The following DTD1 variants were observed in gnomAD, a reference collection of about 807,000 sequenced individuals.
The protein encoded by DTD1 is D-tyrosyl-tRNA deacylase 1 homolog.
DTD1 carries 13 observed loss-of-function variants against 25.6 expected under a neutral mutation model. The ratio of observed to expected loss-of-function variants is 0.51; its 90% confidence interval spans 0.33 to 0.81. The LOEUF is 0.81. DTD1 is among the 30% of genes least tolerant of loss of function. DTD1 has a pLI of 0.02. For missense variants in DTD1, 193 were observed against 266.4 expected (o/e 0.72, Z 1.92); for synonymous variants, 110 against 103.6 (o/e 1.06, Z -0.37).
At chr20:18,658,193 G>A (rs1024417307) in intron 4 of DTD1, among the ~76,000 whole-genome samples, 17 of 75,880 alleles carry the variant, frequency 2.2e-4, no homozygotes, top group African/African-American at 4.6e-4. Flanking sequence ...TCTGAGATGT[G>A]TGTGTGTGTG....
At chr20:18,674,263 T>G (rs1273884320) in intron 4 of DTD1, 1 of 152,188 alleles carries the variant, frequency 6.6e-6, no homozygotes. Context: ...ACCAAACGTT[T>G]ATGATTTTTT....
At chr20:18,725,162 C>T (rs1177236577) in intron 4 of DTD1, among the ~76,000 whole-genome samples, 1 of 152,200 alleles carries the variant, frequency 6.6e-6, no homozygotes, top group East Asian at 1.9e-4. Flanking sequence ...CTTTTTATTG[C>T]ATGCAAAGAT....
chr20:18,612,390 G>T (rs952688810), intron 3 of DTD1, among the ~76,000 whole-genome samples: 9 of 151,928 alleles, frequency 5.9e-5, no homozygotes, highest in Non-Finnish European at 1.2e-4. Context: ...TCTGTTGAGG[G>T]CTTGTTATAT....
chr20:18,663,370 T>C (rs1046552640), intron 4 of DTD1, among the ~76,000 whole-genome samples: 4 of 151,826 alleles, frequency 2.6e-5, no homozygotes, highest in African/African-American at 4.8e-5. Context: ...AAAAAAAATA[T>C]ACAAAGTTTC....
At chr20:18,738,873 G>C (rs1003310267) in intron 4 of DTD1, among the ~76,000 whole-genome samples, 2 of 152,252 alleles carry the variant, frequency 1.3e-5, no homozygotes, top group African/African-American at 4.8e-5. Flanking sequence ...GGTCACATAG[G>C]TGGAAATGCT....
chr20:18,751,936 G>A (rs1192513514), intron 5 of DTD1, among the ~76,000 whole-genome samples: 1 of 151,724 alleles, frequency 6.6e-6, no homozygotes, highest in Non-Finnish European at 1.5e-5. Context: ...TAGAGGAGCA[G>A]CTTTGAGTTT....
At chr20:18,613,422 T>C (rs561229008) in intron 3 of DTD1, among the ~76,000 whole-genome samples, 5 of 152,314 alleles carry the variant, frequency 3.3e-5, no homozygotes, top group East Asian at 3.9e-4. Flanking sequence ...ATGGAGTTAA[T>C]AGCAGAACAC....
chr20:18,718,179 T>A (rs1322241914), intron 4 of DTD1, among the ~76,000 whole-genome samples: 1 of 152,262 alleles, frequency 6.6e-6, no homozygotes, highest in Non-Finnish European at 1.5e-5. Context: ...CTTTGAAGGT[T>A]CCAGTAATAT....
intron 4 of DTD1, chr20:18,632,575 G>A: frequency 1.0e-6 from 1 of 985,328 alleles, no homozygotes; most frequent in Non-Finnish European, 1.2e-6. Flanking sequence ...ATAAACACGT[G>A]TTTCTATCAA....
chr20:18,699,605 T>G (rs2061094824), intron 4 of DTD1, among the ~76,000 whole-genome samples: 1 of 151,952 alleles, frequency 6.6e-6, no homozygotes, highest in African/African-American at 2.4e-5. Flanking sequence ...GGCTATAAAG[T>G]GGAAGAGGAG....
At chr20:18,707,418 C>T (rs1024157499) in intron 4 of DTD1, among the ~76,000 whole-genome samples, 1 of 152,162 alleles carries the variant, frequency 6.6e-6, no homozygotes, top group African/African-American at 2.4e-5. Flanking sequence ...GTCTGGGACT[C>T]ACCCTGCGTG....
At chr20:18,707,698 C>T (rs2061132032) in intron 4 of DTD1, among the ~76,000 whole-genome samples, 1 of 152,146 alleles carries the variant, frequency 6.6e-6, no homozygotes, top group African/African-American at 2.4e-5. Context: ...TGGTTCTTTT[C>T]TCTCTGGACT....
chr20:18,662,439 A>G (rs1324575020), intron 4 of DTD1, among the ~76,000 whole-genome samples: 5 of 152,042 alleles, frequency 3.3e-5, no homozygotes, highest in Admixed American at 2.6e-4. Context: ...GGGGGAGAGT[A>G]TTTTTGGAAA....
intron 4 of DTD1, among the ~76,000 whole-genome samples, chr20:18,720,017 A>C (rs2061196055): frequency 6.6e-6 from 1 of 152,226 alleles, no homozygotes; most frequent in Non-Finnish European, 1.5e-5. Flanking sequence ...GATTTTCTTC[A>C]GAGCTTGGAT....
intron 4 of DTD1, among the ~76,000 whole-genome samples, chr20:18,726,801 A>G (rs2061223956): frequency 6.6e-6 from 1 of 152,192 alleles, no homozygotes; most frequent in Non-Finnish European, 1.5e-5. Context: ...AATACCATGC[A>G]TTGTACTTTT....
chr20:18,702,694 A>C (rs2061110666), intron 4 of DTD1, among the ~76,000 whole-genome samples: 2 of 151,194 alleles, frequency 1.3e-5, no homozygotes, highest in Admixed American at 6.6e-5. Context: ...GAATCTGGTC[A>C]CAAAGGTATC....
chr20:18,724,660 T>C (rs2061217051), intron 4 of DTD1, among the ~76,000 whole-genome samples: 1 of 152,268 alleles, frequency 6.6e-6, no homozygotes, highest in Non-Finnish European at 1.5e-5. Flanking sequence ...TAACCTAGAA[T>C]GTGATTTAGA....
intron 4 of DTD1, among the ~76,000 whole-genome samples, chr20:18,704,852 A>T (rs531842536): frequency 6.6e-6 from 1 of 152,252 alleles, no homozygotes; most frequent in South Asian, 2.1e-4. Flanking sequence ...GGGGAAGGAG[A>T]TCAGGAAGCA....
chr20:18,684,027 C>G (rs1183208678), intron 4 of DTD1, among the ~76,000 whole-genome samples: 1 of 152,152 alleles, frequency 6.6e-6, no homozygotes, highest in Non-Finnish European at 1.5e-5. Flanking sequence ...GGAGAGTAGG[C>G]CTTTCCCTGG....
Sources: gnomAD v4.1 joint callset for allele counts (sites outside exome capture counted in the v4.1 genomes callset) on GRCh38, gnomAD v4.1.1 for gene constraint, MANE v1.5 for transcripts, NCBI Gene and HGNC (gene_info 2026-07-23, HGNC 2026-07-21) for gene names.